The following ZMAT4 variants were observed in gnomAD, a reference collection of about 807,000 sequenced individuals.
ZMAT4 encodes the protein zinc finger matrin-type 4, also known as zinc finger matrin-type protein 4.
Under a neutral mutation model 28.7 loss-of-function variants are expected in ZMAT4, and 17 were observed. The ratio of observed to expected loss-of-function variants is 0.59; its 90% CI spans 0.41 to 0.89. ZMAT4 has a LOEUF of 0.89. Ranked by LOEUF, ZMAT4 falls within the 40% of genes least tolerant of loss-of-function variation. The probability of loss-of-function intolerance (pLI) is 0.00; values close to 1 mark genes in which losing one functional copy is unlikely to be tolerated. For synonymous variants in ZMAT4, 117 were observed against 109.2 expected, an observed-to-expected ratio of 1.07 and a Z score of -0.44; for missense variants, 240 against 283.8, an observed-to-expected ratio of 0.85 and a Z score of 1.11.
At chr8:40,538,978 G>T (rs943829998) in intron 6 of ZMAT4, among the ~76,000 whole-genome samples, 28 of 151,952 alleles carry the variant, frequency 1.8e-4, no homozygotes, top group African/African-American at 6.8e-4. Flanking sequence ...TACAGACGGG[G>T]GTTCACCATG....
intron 3 of ZMAT4, among the ~76,000 whole-genome samples, chr8:40,742,670 G>T (rs1812056511): frequency 2.6e-5 from 4 of 151,686 alleles, no homozygotes; most frequent in Admixed American, 2.6e-4. Context: ...CATTCTTGAA[G>T]AATCTATTTC....
At chr8:40,847,691 C>T (rs151230920) in intron 1 of ZMAT4, among the ~76,000 whole-genome samples, 1 of 152,160 alleles carries the variant, frequency 6.6e-6, no homozygotes, top group East Asian at 1.9e-4. Context: ...CTCCTTCCCC[C>T]CTAAATTTCA....
intron 5 of ZMAT4, among the ~76,000 whole-genome samples, chr8:40,669,491 C>T (rs1478067035): frequency 1.3e-5 from 2 of 151,780 alleles, no homozygotes; most frequent in African/African-American, 4.8e-5. Flanking sequence ...TTGCCTCTGC[C>T]ACCCCTGAGT....
At chr8:40,744,620 G>A (rs1585980276) in intron 3 of ZMAT4, among the ~76,000 whole-genome samples, 1 of 152,070 alleles carries the variant, frequency 6.6e-6, no homozygotes, top group East Asian at 1.9e-4. Context: ...AACCCACAGA[G>A]TTCCTCCCCA....
At chr8:40,631,477 C>T (rs56102657) in intron 5 of ZMAT4, among the ~76,000 whole-genome samples, 36,720 of 151,158 alleles carry the variant, frequency 0.24, 5,098 homozygotes, top group Non-Finnish European at 0.32. Flanking sequence ...TACTTTGATG[C>T]CATTATTTTA....
chr8:40,657,083 T>C (rs1232566506), intron 5 of ZMAT4, among the ~76,000 whole-genome samples: 1 of 152,146 alleles, frequency 6.6e-6, no homozygotes, highest in Non-Finnish European at 1.5e-5. Context: ...CAAGCTGGAG[T>C]GCAATGATGC....
intron 5 of ZMAT4, among the ~76,000 whole-genome samples, chr8:40,645,646 G>A (rs1255870576): frequency 6.6e-6 from 1 of 152,144 alleles, no homozygotes; most frequent in African/African-American, 2.4e-5. Context: ...ATGCCTGATT[G>A]AGATATAACT....
intron 1 of ZMAT4, among the ~76,000 whole-genome samples, chr8:40,883,544 C>T (rs962117306): frequency 2.6e-5 from 4 of 152,186 alleles, no homozygotes; most frequent in African/African-American, 9.7e-5. Flanking sequence ...AATCACACAA[C>T]CGTAGGTAAG....
At chr8:40,887,823 G>T (rs1818517993) in intron 1 of ZMAT4, among the ~76,000 whole-genome samples, 1 of 152,184 alleles carries the variant, frequency 6.6e-6, no homozygotes, top group Non-Finnish European at 1.5e-5. Flanking sequence ...AAACAGGAGA[G>T]ACTTCTGAGA....
chr8:40,579,413 G>T (rs1804377454), intron 6 of ZMAT4, among the ~76,000 whole-genome samples: 1 of 152,142 alleles, frequency 6.6e-6, no homozygotes, highest in Non-Finnish European at 1.5e-5. Context: ...AGCTTGGGGG[G>T]ATGAGCAGTA....
chr8:40,740,359 G>A (rs915448470), intron 3 of ZMAT4, among the ~76,000 whole-genome samples: 29 of 152,132 alleles, frequency 1.9e-4, no homozygotes, highest in Admixed American at 1.7e-3. Context: ...GTATCTCATT[G>A]TGGTTTTGAT....
chr8:40,684,371 G>A (rs1332651310), intron 4 of ZMAT4, among the ~76,000 whole-genome samples: 2 of 152,232 alleles, frequency 1.3e-5, no homozygotes, highest in South Asian at 2.1e-4. Context: ...AATGGACAAC[G>A]TGGGCTTCCC....
intron 5 of ZMAT4, among the ~76,000 whole-genome samples, chr8:40,625,991 T>C (rs906752096): frequency 1.3e-5 from 2 of 151,740 alleles, no homozygotes; most frequent in Non-Finnish European, 2.9e-5. Flanking sequence ...ATGCTTGTAA[T>C]CCCAGCTACT....
Position 40,639,397 on chromosome 8 carries a change from C to T in ZMAT4, c.577+35307G>A, listed in dbSNP as rs947413558. Among the ~76,000 whole-genome samples, 12 of 152,176 alleles carry T rather than the reference C, an allele frequency of 7.9e-5. No homozygotes were observed. The South Asian group carries it at 1.0e-3, about 13-fold the overall frequency. ...AGACTCCGAGACCCTTAGCCAACAT[C>T]GGGATCTCCAGCTACCTAGCGCTCC... On this transcript the variant is annotated intron_variant, in intron 5 of 6. Transcript: ENST00000297737.
intron 2 of ZMAT4, among the ~76,000 whole-genome samples, chr8:40,807,658 C>G (rs1815143330): frequency 6.6e-6 from 1 of 152,178 alleles, no homozygotes; most frequent in Non-Finnish European, 1.5e-5. Context: ...ACATTTTGGT[C>G]TTTCAGGTGC....
intron 1 of ZMAT4, among the ~76,000 whole-genome samples, chr8:40,837,442 T>A (rs546169252): frequency 1.3e-5 from 2 of 152,330 alleles, no homozygotes; most frequent in East Asian, 3.9e-4. Flanking sequence ...GCCACTATGA[T>A]TCCAGGATTT....
At chr8:40,819,147 A>G (rs1485115167) in intron 2 of ZMAT4, among the ~76,000 whole-genome samples, 2 of 152,110 alleles carry the variant, frequency 1.3e-5, no homozygotes, top group Non-Finnish European at 2.9e-5. Flanking sequence ...ATGTTTTGGC[A>G]TGTCTCTGTA....
rs191135271 is a variant in ZMAT4, at chr8:40,859,036, G to T, written c.-4-33356C>A. ...AAGGAAAGCCTCTGCCATCACCCTT[G>T]AGGAGCAAATAAACACTATGTAAAT... On this transcript the variant is annotated intron_variant, in intron 1 of 6. Coordinates refer to ENST00000297737, the MANE Select transcript of ZMAT4 (RefSeq NM_024645.3). 4.0e-3 allele frequency among the ~76,000 whole-genome samples: 615 copies of T among 152,318 alleles called. 2 individuals carry two copies. Among genetic ancestry groups the T allele is most frequent in the Non-Finnish European group, 5.6e-3 (384 of 68,032 alleles).
chr8:40,861,838 A>G (rs1220690018), intron 1 of ZMAT4, among the ~76,000 whole-genome samples: 3 of 152,350 alleles, frequency 2.0e-5, no homozygotes, highest in Non-Finnish European at 1.5e-5. Context: ...ATCACTGGCC[A>G]TCAGAGAAAT....
Sources: allele counts gnomAD v4.1 joint callset (sites outside exome capture counted in the v4.1 genomes callset), GRCh38; gene constraint gnomAD v4.1.1; transcripts MANE v1.5; gene names NCBI Gene and HGNC (gene_info 2026-07-23, HGNC 2026-07-21).